WDR49: variants seen among roughly 807,000 people sequenced by gnomAD.
WDR49 encodes the protein WD repeat domain 49.
WDR49 carries 107 observed loss-of-function variants against 119.5 expected under a neutral mutation model. That is an observed-to-expected ratio of 0.90 (90% CI 0.77 to 1.05). The LOEUF is 1.05. WDR49 is among the 50% of genes least tolerant of loss of function. The pLI is 0.00. For synonymous variants in WDR49, 425 were observed against 418.8 expected, an observed-to-expected ratio of 1.01 and a Z score of -0.18; for missense variants, 1,240 against 1,220.5, an observed-to-expected ratio of 1.02 and a Z score of -0.24.
At chr3:167,517,054 A>G (rs1376850937) in intron 16 of WDR49, among the ~76,000 whole-genome samples, 1 of 152,220 alleles carries the variant, frequency 6.6e-6, no homozygotes, top group Non-Finnish European at 1.5e-5. Flanking sequence ...GAGCATTAAA[A>G]AGTCAGGAAA....
intron 11 of WDR49, among the ~76,000 whole-genome samples, chr3:167,535,560 C>G (rs1295354816): frequency 6.6e-6 from 1 of 152,038 alleles, no homozygotes; most frequent in Non-Finnish European, 1.5e-5. Context: ...TCACTTCATT[C>G]CAGTCAGAAT....
At chr3:167,614,732 T>A (rs747202933) in intron 5 of WDR49, among the ~76,000 whole-genome samples, 5 of 152,238 alleles carry the variant, frequency 3.3e-5, no homozygotes, top group Non-Finnish European at 7.3e-5. Flanking sequence ...TACAGATATT[T>A]TATCCTTAGC....
At chr3:167,637,374 C>T (rs1717670799) in intron 2 of WDR49, among the ~76,000 whole-genome samples, 1 of 152,030 alleles carries the variant, frequency 6.6e-6, no homozygotes, top group Admixed American at 6.6e-5. Flanking sequence ...ATACAAGTAC[C>T]ATGCTGTTTT....
chr3:167,557,374 A>C (rs1455930145), intron 9 of WDR49, among the ~76,000 whole-genome samples: 1 of 152,224 alleles, frequency 6.6e-6, no homozygotes, highest in Non-Finnish European at 1.5e-5. Flanking sequence ...ATATTCTTGC[A>C]GCATTGTTAA....
intron 7 of WDR49, among the ~76,000 whole-genome samples, chr3:167,584,010 AAGC>A (rs1465079606): frequency 3.9e-5 from 6 of 152,174 alleles, no homozygotes. Flanking sequence ...TTCTCATTAC[AAGC>A]AAGAATGTAA....
chr3:167,638,608 T>C (rs191922391), intron 2 of WDR49, among the ~76,000 whole-genome samples: 122 of 151,706 alleles, frequency 8.0e-4, no homozygotes, highest in Middle Eastern at 3.4e-3. Context: ...GCAAAACAGA[T>C]GCATCAGTTT....
intron 18 of WDR49, 66 bp from the exon 19 acceptor site, chr3:167,479,062 G>C: frequency 8.4e-7 from 1 of 1,195,956 alleles, no homozygotes; most frequent in Non-Finnish European, 1.2e-6. Flanking sequence ...AAATGAAATA[G>C]TGGGGAGAAA....
At chr3:167,583,042 A>G (rs13318752) in intron 7 of WDR49, among the ~76,000 whole-genome samples, 51,838 of 151,954 alleles carry the variant, frequency 0.34, 10,472 homozygotes, top group African/African-American at 0.57. Flanking sequence ...AATAAATTTA[A>G]CTAATGCCAA....
chr3:167,636,454 C>T (rs558871727), intron 2 of WDR49, among the ~76,000 whole-genome samples: 25 of 149,216 alleles, frequency 1.7e-4, no homozygotes, highest in Middle Eastern at 3.4e-3. Flanking sequence ...ATGCTATAAA[C>T]GTGTGGGCAA....
rs16851298 is a variant in WDR49, at chr3:167,635,371, G to C, written c.166-8079C>G. On this transcript the variant is annotated intron_variant, in intron 2 of 18. Coordinates refer to ENST00000682715, the MANE Select transcript of WDR49 (RefSeq NM_001366157.1). Reference sequence around the variant, plus strand: ...TTATTCTTCTTAAGACTTATCGATTGGTTGCTAAAGTATAGTTCTATTAGT... The same window carrying C: ...TTATTCTTCTTAAGACTTATCGATTCGTTGCTAAAGTATAGTTCTATTAGT... Among the ~76,000 whole-genome samples, 1,263 of 151,738 alleles carry C rather than the reference G, an allele frequency of 8.3e-3. 93 individuals carry two copies. The East Asian group carries it at 0.17, about 21-fold the overall frequency.
At position 167,478,817 on chromosome 3, in the gene WDR49, G is replaced by T; in HGVS notation, c.*61C>A. The T allele has an allele frequency of 3.4e-6, 4 of 1,166,298 alleles. No individual in the cohort carries two copies. 72.2% of individuals were successfully genotyped at this position (1,166,298 alleles called of 1,614,324 possible). On this transcript the variant is annotated 3_prime_UTR_variant, in exon 19 of 19. Transcript: ENST00000682715. ...AAATAAAATAAAAGGCAGAATTCTT[G>T]ATGCTTTTTCTGCATTTTATATCTG...
At chr3:167,600,547 G>A (rs1045915844) in intron 7 of WDR49, among the ~76,000 whole-genome samples, 1 of 152,156 alleles carries the variant, frequency 6.6e-6, no homozygotes, top group Non-Finnish European at 1.5e-5. Context: ...TATTGGGGGA[G>A]ACCATTGGTG....
chr3:167,525,462 T>A lies in WDR49; in HGVS notation c.2604+2358A>T, dbSNP rs1374438377. ...GAGAAACTTGAATCTTTACATGAAA[T>A]CTATTATTGTTTAAATGTGGGCAAC... On this transcript the variant is annotated intron_variant, in intron 15 of 18. Coordinates refer to ENST00000682715, the MANE Select transcript of WDR49 (RefSeq NM_001366157.1). Among the ~76,000 whole-genome samples, 3 of 152,012 alleles carry A rather than the reference T, an allele frequency of 2.0e-5. No individual in the cohort carries two copies. The East Asian group carries it at 5.8e-4, about 29-fold the overall frequency.
chr3:167,483,362 C>T (rs1291233215), intron 18 of WDR49, among the ~76,000 whole-genome samples: 2 of 152,140 alleles, frequency 1.3e-5, no homozygotes, highest in Non-Finnish European at 1.5e-5. Flanking sequence ...TGAGATTTGT[C>T]TCTCAACTAG....
chr3:167,524,984 A>T (rs940261007), intron 15 of WDR49, among the ~76,000 whole-genome samples: 9 of 152,158 alleles, frequency 5.9e-5, no homozygotes, highest in Non-Finnish European at 1.0e-4. Context: ...TGAATCTATA[A>T]ATTACTTTGG....
intron 18 of WDR49, 82 bp from the exon 19 acceptor site, chr3:167,479,078 CAAATT>C: frequency 9.1e-7 from 1 of 1,104,236 alleles, no homozygotes. Context: ...AGAAAATTCT[CAAATT>C]TTGCTTTTTC....
rs556803729 is a variant in WDR49 at position 167,519,156 on chromosome 3, A to C, written c.2774+3159T>G. 1.4e-4 allele frequency among the ~76,000 whole-genome samples: 21 copies of C among 152,248 alleles called. No homozygotes were observed. In the South Asian group the frequency reaches 4.4e-3, roughly 32 times the overall value. On this transcript the variant is annotated intron_variant, in intron 16 of 18. Coordinates refer to ENST00000682715, the MANE Select transcript of WDR49 (RefSeq NM_001366157.1). ...GCTGGTGAGGCTGCAGAGAGATACG[A>C]ATGCTTTTGCACTGTTGATGGGAAT... is the stretch of plus-strand genomic sequence containing the variant.
At chr3:167,637,768 A>G (rs758475142) in intron 2 of WDR49, among the ~76,000 whole-genome samples, 10 of 151,850 alleles carry the variant, frequency 6.6e-5, no homozygotes, top group Non-Finnish European at 1.3e-4. Flanking sequence ...GTTATTGTAA[A>G]AGGAGTTAAG....
intron 17 of WDR49, among the ~76,000 whole-genome samples, chr3:167,500,906 A>C (rs190984924): frequency 6.6e-6 from 1 of 152,214 alleles, no homozygotes; most frequent in African/African-American, 2.4e-5. Context: ...TTTCTTTGTT[A>C]GTTCTGTGAA....
Sources: allele counts gnomAD v4.1 joint callset (sites outside exome capture counted in the v4.1 genomes callset), GRCh38; gene constraint gnomAD v4.1.1; transcripts MANE v1.5; gene names NCBI Gene and HGNC (gene_info 2026-07-23, HGNC 2026-07-21).